Variants in MGRN1 observed in about 807,000 individuals in gnomAD.
The protein encoded by MGRN1 is E3 ubiquitin-protein ligase MGRN1.
A neutral mutation model predicts 69.2 loss-of-function variants in MGRN1; 29 were observed. The observed-to-expected ratio is 0.42, with a 90% CI of 0.31 to 0.57. MGRN1 has a LOEUF of 0.57. Among genes scored for constraint, MGRN1 ranks in the 20% least tolerant of loss-of-function variants. The pLI, the probability that MGRN1 is intolerant of heterozygous loss-of-function variation, is 0.15. For missense variants in MGRN1, 998 were observed against 796.2 expected (o/e 1.25, Z -3.05); for synonymous variants, 470 against 344.2 (o/e 1.37, Z -4.04).
chr16:4,636,374 C>T (rs113624606), intron 1 of MGRN1, among the ~76,000 whole-genome samples: 6 of 152,020 alleles, frequency 3.9e-5, no homozygotes, highest in Non-Finnish European at 5.9e-5. Flanking sequence ...AATGGCCGGG[C>T]GGGGTTTGTG....
chr16:4,661,446 G>A (rs1010218634), intron 5 of MGRN1, among the ~76,000 whole-genome samples: 2 of 152,268 alleles, frequency 1.3e-5, no homozygotes, highest in African/African-American at 4.8e-5. Flanking sequence ...TCAGGGTGCT[G>A]GTGTTGACTG....
rs200491862 is a variant in MGRN1 at position 4,650,462 on chromosome 16, C to T, written c.186C>T (p.Phe62=). ...YLFGENMDLN[F]LGSRPVQFPY... Reference sequence around the variant, plus strand: ...TTGGAGAGAACATGGATCTGAACTTCCTGGGCAGCCGCCCGGTCCAGGTGG... The same window carrying T: ...TTGGAGAGAACATGGATCTGAACTTTCTGGGCAGCCGCCCGGTCCAGGTGG... Residue 62 remains phenylalanine (F), a synonymous_variant, in exon 2 of 17, where the codon TTC becomes TTT. Transcript: ENST00000262370. 9.3e-6 allele frequency: 15 copies of T among 1,613,770 alleles called. No homozygotes were observed. In the South Asian group the frequency reaches 1.5e-4, roughly 17 times the overall value.
intron 4 of MGRN1, among the ~76,000 whole-genome samples, chr16:4,654,936 C>T (rs574400864): frequency 2.0e-5 from 3 of 152,324 alleles, no homozygotes; most frequent in African/African-American, 7.2e-5. Context: ...TTCTTTGAGG[C>T]TCTACCTTGC....
intron 7 of MGRN1, among the ~76,000 whole-genome samples, chr16:4,667,795 C>T (rs894393651): frequency 9.2e-5 from 14 of 152,202 alleles, no homozygotes; most frequent in Admixed American, 2.6e-4. Context: ...TAGAGCTTTG[C>T]GGTTCCCTGT....
At chr16:4,667,878 T>C (rs966819795) in intron 7 of MGRN1, among the ~76,000 whole-genome samples, 1 of 152,164 alleles carries the variant, frequency 6.6e-6, no homozygotes, top group African/African-American at 2.4e-5. Context: ...GAAGCTGTTT[T>C]GTCTGTCTTG....
chr16:4,672,246 T>C (rs2078955310), intron 9 of MGRN1, among the ~76,000 whole-genome samples: 1 of 151,862 alleles, frequency 6.6e-6, no homozygotes, highest in East Asian at 1.9e-4. Context: ...GGGGTTTCAC[T>C]ATGTTGGCCA....
At chr16:4,643,145 G>A (rs2078199364) in intron 1 of MGRN1, among the ~76,000 whole-genome samples, 1 of 151,010 alleles carries the variant, frequency 6.6e-6, no homozygotes, top group African/African-American at 2.4e-5. Flanking sequence ...TAGTAGAGAT[G>A]GGATTTCGCC....
chr16:4,655,363 C>T (rs900539551), intron 4 of MGRN1, among the ~76,000 whole-genome samples: 8 of 152,224 alleles, frequency 5.3e-5, no homozygotes, highest in Admixed American at 2.6e-4. Context: ...GCTGGTGTCA[C>T]CCTCTCCTAG....
intron 1 of MGRN1, among the ~76,000 whole-genome samples, chr16:4,627,514 G>T (rs149409212): frequency 6.6e-6 from 1 of 152,374 alleles, no homozygotes; most frequent in East Asian, 1.9e-4. Context: ...CTGGCCAGGC[G>T]CGGTGGCTCA....
In MGRN1 at chr16:4,650,480, C is replaced by A; in HGVS notation, c.204C>A (p.Val68=). 1.9e-6 allele frequency: 3 copies of A among 1,612,062 alleles called. 1 individual carries two copies. Among genetic ancestry groups the A allele is most frequent in the Non-Finnish European group, 2.5e-6 (3 of 1,178,904 alleles). ...TGAACTTCCTGGGCAGCCGCCCGGT[C>A]CAGGTGGGTCTGGACAGGGCTGTCT... ...MDLNFLGSRP[V]QFPYVTPAPH... is the part of the protein sequence containing the mutation. Residue 68 remains valine, a synonymous_variant, in exon 2 of 17, where the codon GTC becomes GTA. Coordinates refer to ENST00000262370, the MANE Select transcript of MGRN1 (RefSeq NM_015246.4).
intron 5 of MGRN1, among the ~76,000 whole-genome samples, chr16:4,661,785 A>G (rs1040827384): frequency 5.9e-5 from 9 of 152,140 alleles, no homozygotes; most frequent in African/African-American, 2.2e-4. Flanking sequence ...CTTCCTCGTG[A>G]GATGCGGGGC....
chr16:4,683,196 C>A (rs1454871826), intron 14 of MGRN1, 28 bp from the exon 15 acceptor site: 4 of 1,612,724 alleles, frequency 2.5e-6, no homozygotes, highest in Non-Finnish European at 3.4e-6. Flanking sequence ...TCTCTGAGCT[C>A]TAGGCTACTT....
rs1406361966 is a variant in MGRN1 at position 4,668,601 on chromosome 16, TAC to T, written c.726+292_726+293del. On this transcript the variant is annotated intron_variant, in intron 8 of 16. Transcript: ENST00000262370. ...TACAGACACGACACTCATACACACA[TAC>T]ACTCACACTCACATGCAGTCATTCA... 6.0e-5 allele frequency among the ~76,000 whole-genome samples: 9 copies of T among 150,376 alleles called. No homozygotes were observed. The East Asian group carries it at 7.8e-4, about 13-fold the overall frequency.
Position 4,689,161 on chromosome 16 carries a change from C to A in MGRN1, c.*253C>A, listed in dbSNP as rs950126783. ...CTTTCCATCCCTAGTTCAGAGCCCC[C>A]GTTCCCCAGGGTCCTGTGGGCTGAG... is the stretch of plus-strand genomic sequence containing the variant. On this transcript the variant is annotated 3_prime_UTR_variant, in exon 17 of 17. Transcript: ENST00000262370. 12 of 491,850 alleles carry A rather than the reference C, an allele frequency of 2.4e-5. No homozygotes were observed. The highest frequency in any genetic ancestry group is 2.3e-4 in the African/African-American group (12 of 51,252). The allele number at this position is 491,850 out of a possible 1,614,324, so 30.5% of individuals were successfully genotyped here.
chr16:4,664,900 G>T (rs2078765533), intron 6 of MGRN1, 125 bp downstream of exon 6: 1 of 1,359,010 alleles, frequency 7.4e-7, no homozygotes, highest in Non-Finnish European at 1.0e-6. Flanking sequence ...CTTCCCACAG[G>T]GCAGGGTGTG....
chr16:4,678,911 A>G (rs901122826), intron 11 of MGRN1, among the ~76,000 whole-genome samples: 3 of 152,250 alleles, frequency 2.0e-5, no homozygotes, highest in African/African-American at 7.2e-5. Flanking sequence ...CCTCCCTGGC[A>G]GCAGGTGCAA....
Position 4,644,827 on chromosome 16 carries a change from A to G in MGRN1, c.89-5538A>G, listed in dbSNP as rs553125280. 1.5e-4 allele frequency among the ~76,000 whole-genome samples: 23 copies of G among 152,288 alleles called. No individual in the cohort carries two copies. The South Asian group carries it at 4.6e-3, about 30-fold the overall frequency. ...CCATGGGGACACCTTTTTAAAGTGT[A>G]CAAGTCAGTGATTTTTGGTATATTC... is the stretch of plus-strand genomic sequence containing the variant. On this transcript the variant is annotated intron_variant, in intron 1 of 16. Transcript: ENST00000262370.
At chr16:4,626,964 C>T (rs563753759) in intron 1 of MGRN1, among the ~76,000 whole-genome samples, 1 of 152,232 alleles carries the variant, frequency 6.6e-6, no homozygotes, top group South Asian at 2.1e-4. Flanking sequence ...CTCCATCCTT[C>T]CCTGGGGCCT....
intron 1 of MGRN1, among the ~76,000 whole-genome samples, chr16:4,639,513 A>T (rs1220395002): frequency 6.6e-6 from 1 of 152,134 alleles, no homozygotes; most frequent in East Asian, 1.9e-4. Context: ...GGTCAGGAGG[A>T]AGCCTGGGCT....
Sources: allele counts gnomAD v4.1 joint callset (sites outside exome capture counted in the v4.1 genomes callset), GRCh38; gene constraint gnomAD v4.1.1; transcripts MANE v1.5; gene names NCBI Gene and HGNC (gene_info 2026-07-23, HGNC 2026-07-21).